JAKMIP3: variants seen among roughly 807,000 people sequenced by gnomAD.
JAKMIP3 encodes Janus kinase and microtubule interacting protein 3, also known as janus kinase and microtubule-interacting protein 3.
Under a neutral mutation model 118.5 loss-of-function variants are expected in JAKMIP3, and 58 were observed. The observed-to-expected ratio is 0.49, with a 90% CI of 0.40 to 0.61. JAKMIP3 has a LOEUF of 0.61. Ranked by LOEUF, JAKMIP3 falls within the 20% of genes least tolerant of loss-of-function variation. JAKMIP3 has a pLI of 0.00. For missense variants in JAKMIP3, 950 were observed against 1,109.0 expected (o/e 0.86, Z 2.04); for synonymous variants, 486 against 451.2 (o/e 1.08, Z -0.98).
rs149698462 is a variant in JAKMIP3 at position 132,047,143 on chromosome 10, G to C, written c.-138+10405G>C. ...CTCCAGCAATCCTCCTAAAGTGCTG[G>C]GGTTATAGCCATGAGCCACTGCACC... On this transcript the variant is annotated intron_variant, in intron 1 of 23. Transcript: ENST00000657785. Among the ~76,000 whole-genome samples, 618 of 152,220 alleles carry C rather than the reference G, an allele frequency of 4.1e-3. 4 individuals are homozygous for C. Among genetic ancestry groups the C allele is most frequent in the African/African-American group, 0.014 (581 of 41,524 alleles).
intron 1 of JAKMIP3, among the ~76,000 whole-genome samples, chr10:132,050,811 T>A (rs901711256): frequency 5.9e-5 from 9 of 152,270 alleles, no homozygotes; most frequent in Admixed American, 5.2e-4. Context: ...CCATTTTGGA[T>A]GAAAGTTGTT....
chr10:132,042,369 G>A (rs751939059), intron 1 of JAKMIP3, among the ~76,000 whole-genome samples: 14 of 151,974 alleles, frequency 9.2e-5, no homozygotes, highest in South Asian at 4.1e-4. Flanking sequence ...GCACCACCAC[G>A]CCTGGCTAAT....
rs746459550 is a variant in JAKMIP3 at position 132,140,436 on chromosome 10, C to G, written c.1345-15C>G. 10 of 1,613,336 alleles carry G rather than the reference C, an allele frequency of 6.2e-6. No homozygotes were observed. The highest frequency in any genetic ancestry group is 8.5e-6 in the Non-Finnish European group (10 of 1,179,808). On this transcript the variant is annotated splice_polypyrimidine_tract_variant and intron_variant, in intron 9 of 23. Transcript: ENST00000684848. ...GGGTCTGGTTTGAACTGACACGTCG[C>G]ATTTTGGTCACAAGCCGGTGGTTGT...
At chr10:132,145,846 C>A (rs1013373512) in intron 13 of JAKMIP3, among the ~76,000 whole-genome samples, 2 of 152,208 alleles carry the variant, frequency 1.3e-5, no homozygotes, top group African/African-American at 4.8e-5. Flanking sequence ...CATCTCCATT[C>A]GTGTCCCGTT....
rs1469280152 is a variant in JAKMIP3, at chr10:132,121,654, A to AGG, written c.633+4082_633+4083dup. On this transcript the variant is annotated intron_variant, in intron 3 of 23. Transcript: ENST00000684848. ...GTGGGCACATTGCCGTGGCCCTGGG[A>AGG]GGGTGGTATCTGAGTCTGGGGACGG... Among the ~76,000 whole-genome samples, 3 of 152,012 alleles carry AGG rather than the reference A, an allele frequency of 2.0e-5. No individual in the cohort carries two copies. In the East Asian group the frequency reaches 5.8e-4, roughly 29 times the overall value.
At position 132,180,566 on chromosome 10, in the gene JAKMIP3, T is replaced by TGCGCGC. The variant is rs1359194010; in HGVS notation, c.*1104-1788_*1104-1787insCGCGCG. On this transcript the variant is annotated intron_variant, in intron 23 of 23. Coordinates refer to ENST00000684848, the MANE Select transcript of JAKMIP3 (RefSeq NM_001323087.2). Reference sequence around the variant, plus strand: ...GTGTGCGTGCGTGCATGCGTGTGTGTGCGTGTGTGTGTGCGTGCGCGTGTG... The same window carrying TGCGCGC: ...GTGTGCGTGCGTGCATGCGTGTGTGTGCGCGCGCGTGTGTGTGTGCGTGCGCGTGTG... 3.2e-4 allele frequency among the ~76,000 whole-genome samples: 10 copies of TGCGCGC among 31,714 alleles called. 2 individuals carry two copies. Among genetic ancestry groups the TGCGCGC allele is most frequent in the Admixed American group, 2.2e-3 (7 of 3,164 alleles). 20.8% of individuals were successfully genotyped at this position (31,714 alleles called of 152,430 possible).
rs1269554956 is a variant in JAKMIP3, at chr10:132,098,387, C to T, written c.-137-6285C>T. ...CAGTTCTGGAGATGAGGACTGATGG[C>T]TCACTGTCACCGTCTTAACATTTAT... On this transcript the variant is annotated intron_variant, in intron 1 of 23. Coordinates refer to ENST00000684848, the MANE Select transcript of JAKMIP3 (RefSeq NM_001323087.2). Among the ~76,000 whole-genome samples the T allele has an allele frequency of 2.0e-5, 3 of 152,294 alleles. No homozygotes were observed. In the East Asian group the frequency reaches 5.8e-4, roughly 29 times the overall value.
intron 1 of JAKMIP3, among the ~76,000 whole-genome samples, chr10:132,050,592 C>T (rs1340522345): frequency 6.6e-6 from 1 of 151,996 alleles, no homozygotes; most frequent in African/African-American, 2.4e-5. Flanking sequence ...TGAAGGATTT[C>T]TTGAGGTTGT....
chr10:132,105,991 A>G (rs2045847344), intron 2 of JAKMIP3, among the ~76,000 whole-genome samples: 1 of 92,788 alleles, frequency 1.1e-5, no homozygotes, highest in Admixed American at 8.8e-5. Flanking sequence ...ATATCAAAAG[A>G]AGAAGAATGT....
chr10:132,173,587 G>C (rs1186555616), intron 23 of JAKMIP3, among the ~76,000 whole-genome samples: 1 of 152,160 alleles, frequency 6.6e-6, no homozygotes, highest in East Asian at 1.9e-4. Context: ...AATACAGCCA[G>C]GTGCCTTTGT....
intron 23 of JAKMIP3, among the ~76,000 whole-genome samples, chr10:132,170,832 C>T (rs971185137): frequency 6.6e-6 from 1 of 152,220 alleles, no homozygotes; most frequent in African/African-American, 2.4e-5. Context: ...TGTACAGCTC[C>T]GCACAGAAGA....
intron 19 of JAKMIP3, 51 bp from the exon 20 acceptor site, chr10:132,163,158 G>A: frequency 6.6e-7 from 1 of 1,515,336 alleles, no homozygotes; most frequent in Non-Finnish European, 8.9e-7. Flanking sequence ...TTCCTGAAAG[G>A]TTTGTTCTGG....
chr10:132,179,595 C>T lies in JAKMIP3; in HGVS notation c.*1104-2762C>T, dbSNP rs2060512649. 6.6e-6 allele frequency among the ~76,000 whole-genome samples: 1 copy of T among 152,136 alleles called. No homozygotes were observed. Among genetic ancestry groups the T allele is most frequent in the South Asian group, 2.1e-4 (1 of 4,820 alleles). ...GCAGCCCCATGTTCCCCCCACCCCC[C>T]ACACTTCCAGGCAACAGTGAAAGCA... On this transcript the variant is annotated intron_variant, in intron 23 of 23. Coordinates refer to ENST00000684848, the MANE Select transcript of JAKMIP3 (RefSeq NM_001323087.2). This position sits in a 1 kb window ranked among gnomAD's most constrained non-coding sequence, Gnocchi z 4.3.
intron 3 of JAKMIP3, among the ~76,000 whole-genome samples, chr10:132,128,881 A>G (rs1236025767): frequency 6.6e-6 from 1 of 152,214 alleles, no homozygotes; most frequent in African/African-American, 2.4e-5. Context: ...GGCTTACTTC[A>G]ATATCCTCAT....
intron 23 of JAKMIP3, among the ~76,000 whole-genome samples, chr10:132,173,477 C>T (rs2059825176): frequency 6.6e-6 from 1 of 151,864 alleles, no homozygotes; most frequent in Non-Finnish European, 1.5e-5. Context: ...GAGCACAATT[C>T]CTTTCCCCCC....
chr10:132,171,396 G>A (rs1029861397), intron 23 of JAKMIP3, among the ~76,000 whole-genome samples: 16 of 152,300 alleles, frequency 1.1e-4, no homozygotes, highest in South Asian at 2.1e-4. Flanking sequence ...CCCACAGCCC[G>A]GCAGGTGCAC....
chr10:132,149,321 T>A, intron 14 of JAKMIP3, 91 bp from the exon 15 acceptor site: 1 of 815,852 alleles, frequency 1.2e-6, no homozygotes, highest in Non-Finnish European at 2.0e-6. Context: ...GGTTCCATGG[T>A]CTTGGCCCGT....
Position 132,162,047 on chromosome 10 carries a change from T to C in JAKMIP3, c.2221-1162T>C, listed in dbSNP as rs977700935. 4.5e-5 allele frequency among the ~76,000 whole-genome samples: 6 copies of C among 134,760 alleles called. 1 individual carries two copies. The highest frequency in any genetic ancestry group is 8.6e-5 in the Non-Finnish European group (5 of 57,846). The allele number at this position is 134,760 out of a possible 152,430, so 88.4% of individuals were successfully genotyped here. ...GTTCTCTCCTATGTCGTTCATGGTG[T>C]GGCTCTCGGTCGCTCGGGTGCCCTC... On this transcript the variant is annotated intron_variant, in intron 19 of 23. Transcript: ENST00000684848.
At chr10:132,043,960 G>A (rs1410553196) in intron 1 of JAKMIP3, among the ~76,000 whole-genome samples, 1 of 152,124 alleles carries the variant, frequency 6.6e-6, no homozygotes, top group African/African-American at 2.4e-5. Flanking sequence ...CTCTTATCCT[G>A]CTGGGCCTGC....
Sources: gnomAD v4.1 joint callset for allele counts (sites outside exome capture counted in the v4.1 genomes callset) on GRCh38, gnomAD v4.1.1 for gene constraint, Gnocchi (gnomAD v3.1) non-coding constraint, MANE v1.5 for transcripts, NCBI Gene and HGNC (gene_info 2026-07-23, HGNC 2026-07-21) for gene names.